The following PPP6C variants were observed in gnomAD, a reference collection of about 807,000 sequenced individuals.
PPP6C encodes the protein protein phosphatase 6 catalytic subunit.
Under a neutral mutation model 39.8 loss-of-function variants are expected in PPP6C, and 11 were observed. The ratio of observed to expected loss-of-function variants is 0.28; its 90% CI spans 0.17 to 0.46. PPP6C has a LOEUF of 0.46. Ranked by LOEUF, PPP6C falls within the 20% of genes least tolerant of loss-of-function variation. PPP6C has a pLI of 1.00. For synonymous variants in PPP6C, 129 were observed against 130.3 expected (o/e 0.99, Z 0.07); for missense variants, 211 against 373.9 (o/e 0.56, Z 3.59).
intron 2 of PPP6C, among the ~76,000 whole-genome samples, chr9:125,164,731 C>G (rs960064394): frequency 3.3e-5 from 5 of 152,124 alleles, no homozygotes; most frequent in African/African-American, 1.2e-4. Context: ...ACCACTTTAC[C>G]CAGCCTGGGA....
intron 1 of PPP6C, chr9:125,189,017 T>G (rs2131349362): frequency 8.4e-7 from 1 of 1,196,860 alleles, no homozygotes; most frequent in South Asian, 1.3e-5. Flanking sequence ...TCCACTTCAG[T>G]AAGCTCAACA....
intron 1 of PPP6C, among the ~76,000 whole-genome samples, chr9:125,171,610 G>A (rs1451273896): frequency 6.7e-6 from 1 of 149,060 alleles, no homozygotes; most frequent in Non-Finnish European, 1.5e-5. Context: ...CTGAAATGCA[G>A]TGACACGATC....
intron 1 of PPP6C, chr9:125,171,970 C>T (rs946510463): frequency 4.3e-6 from 2 of 467,140 alleles, no homozygotes; most frequent in Non-Finnish European, 8.8e-6. Flanking sequence ...TATATAAATA[C>T]TCGCAGAAGC....
At chr9:125,175,566 C>A (rs1448777451) in intron 1 of PPP6C, among the ~76,000 whole-genome samples, 1 of 151,176 alleles carries the variant, frequency 6.6e-6, no homozygotes, top group Non-Finnish European at 1.5e-5. Context: ...TGGCATGAAC[C>A]CGGGAGGCGG....
At chr9:125,175,168 T>C (rs1005701151) in intron 1 of PPP6C, among the ~76,000 whole-genome samples, 4 of 150,414 alleles carry the variant, frequency 2.7e-5, no homozygotes, top group East Asian at 2.0e-4. Flanking sequence ...GATCACGCCA[T>C]TGCACTCCAG....
intron 1 of PPP6C, among the ~76,000 whole-genome samples, chr9:125,175,476 A>G (rs1829277202): frequency 6.6e-6 from 1 of 150,772 alleles, no homozygotes; most frequent in Non-Finnish European, 1.5e-5. Context: ...GTCTCTACTA[A>G]AAAAAAATAC....
At position 125,147,420 on chromosome 9, in the gene PPP6C, T is replaced by C. The variant is rs1339158486; in HGVS notation, c.*2253A>G. 2 of 152,186 alleles carry C rather than the reference T, an allele frequency of 1.3e-5. No homozygotes were observed. Among genetic ancestry groups the C allele is most frequent in the Non-Finnish European group, 2.9e-5 (2 of 68,030 alleles). The allele number at this position is 152,186 out of a possible 1,614,324, so 9.4% of individuals were successfully genotyped here. A position where few individuals can be genotyped will look rare whatever the true frequency, so the allele number is the denominator to read the frequency against. Reference sequence around the variant, plus strand: ...ACATGATAACTCTATATAGTACATATAGTACATAGCCCTTATTTATTGGAG... The same window carrying C: ...ACATGATAACTCTATATAGTACATACAGTACATAGCCCTTATTTATTGGAG... On this transcript the variant is annotated 3_prime_UTR_variant, in exon 7 of 7. Coordinates refer to ENST00000373547, the MANE Select transcript of PPP6C (RefSeq NM_002721.5).
intron 2 of PPP6C, among the ~76,000 whole-genome samples, chr9:125,166,527 T>C (rs886783886): frequency 1.7e-4 from 23 of 132,258 alleles, no homozygotes; most frequent in Non-Finnish European, 2.9e-4. Context: ...ACAAGTATTT[T>C]TCTTTTTCTT....
intron 4 of PPP6C, among the ~76,000 whole-genome samples, chr9:125,157,504 T>C (rs543236528): frequency 6.6e-6 from 1 of 152,200 alleles, no homozygotes; most frequent in South Asian, 2.1e-4. Context: ...ATCAGGTATG[T>C]CCCCATTTTA....
intron 1 of PPP6C, among the ~76,000 whole-genome samples, chr9:125,177,419 G>A (rs950615101): frequency 3.3e-5 from 5 of 151,990 alleles, no homozygotes; most frequent in African/African-American, 1.2e-4. Context: ...TTCCCCTGCT[G>A]GGCACAGTGG....
chr9:125,186,514 G>C (rs969219478), intron 1 of PPP6C, among the ~76,000 whole-genome samples: 4 of 152,002 alleles, frequency 2.6e-5, no homozygotes, highest in African/African-American at 9.7e-5. Flanking sequence ...GGGAAGCCAA[G>C]GTGGGAGGAT....
In PPP6C at chr9:125,160,871, A is replaced by G; in HGVS notation, c.207T>C (p.Gly69=). The part of the protein sequence containing the change: ...YDLCELFRTG[G]QVPDTNYIFM... ...ATATGTAGTTTGTGTCAGGAACCTG[A>G]CCTCCAGTTCTGAACAGTTCACAAA... The change falls in exon 3 of 7, where the codon GGT becomes GGC. Residue 69 remains glycine (G), a synonymous_variant. Transcript: ENST00000373547. 1 of 1,594,246 alleles carries G rather than the reference A, an allele frequency of 6.3e-7. No homozygotes were observed. The highest frequency in any genetic ancestry group is 8.5e-7 in the Non-Finnish European group (1 of 1,172,410).
intron 2 of PPP6C, among the ~76,000 whole-genome samples, chr9:125,163,424 TG>T (rs974145758): frequency 5.9e-5 from 9 of 152,238 alleles, no homozygotes; most frequent in East Asian, 1.9e-4. Flanking sequence ...TTTACAGATA[TG>T]TTTTTTTGTT....
At chr9:125,162,457 CAAAAAAAAAAAAA>C (rs977223135) in intron 2 of PPP6C, among the ~76,000 whole-genome samples, 3 of 70,974 alleles carry the variant, frequency 4.2e-5, no homozygotes, top group Admixed American at 1.8e-4. Context: ...GATTCTGTCT[CAAAAAAAAAAAAA>C]AAAAAAAAAA....
At position 125,165,795 on chromosome 9, in the gene PPP6C, CTT is replaced by C. The variant is rs781221037; in HGVS notation, c.172-4891_172-4890del. 0.021 allele frequency among the ~76,000 whole-genome samples: 2,367 copies of C among 113,546 alleles called. 117 individuals are homozygous for C. The East Asian group carries it at 0.25, about 12-fold the overall frequency. The allele number at this position is 113,546 out of a possible 152,430, so 74.5% of individuals were successfully genotyped here. A position where few individuals can be genotyped will look rare whatever the true frequency, so the allele number is the denominator to read the frequency against. On this transcript the variant is annotated intron_variant, in intron 2 of 6. Coordinates refer to ENST00000373547, the MANE Select transcript of PPP6C (RefSeq NM_002721.5). ...CTGAAACCATAACAGTAATCTTTTG[CTT>C]TTTTTTTTTTTTTTTTGGAGACAGG...
chr9:125,165,023 C>T (rs1236081240), intron 2 of PPP6C, among the ~76,000 whole-genome samples: 1 of 151,984 alleles, frequency 6.6e-6, no homozygotes, highest in Non-Finnish European at 1.5e-5. Context: ...AGGCGTGAGC[C>T]ACCGCGCCCG....
chr9:125,173,763 A>T (rs1209501638), intron 1 of PPP6C, among the ~76,000 whole-genome samples: 2 of 151,898 alleles, frequency 1.3e-5, no homozygotes, highest in African/African-American at 2.4e-5. Context: ...GATTACAGGC[A>T]TGAGTCATCA....
intron 2 of PPP6C, among the ~76,000 whole-genome samples, chr9:125,165,211 G>A (rs1212499626): frequency 6.6e-6 from 1 of 151,922 alleles, no homozygotes; most frequent in Non-Finnish European, 1.5e-5. Flanking sequence ...AAACTCAGAA[G>A]TTTTAAATAT....
intron 3 of PPP6C, 109 bp downstream of exon 3, chr9:125,160,732 A>AC (rs202172969): frequency 2.7e-6 from 2 of 737,214 alleles, no homozygotes; most frequent in Non-Finnish European, 2.0e-6. Flanking sequence ...CTTTTAATAT[A>AC]CTGAAATAGG....
Sources: allele counts gnomAD v4.1 joint callset (sites outside exome capture counted in the v4.1 genomes callset), GRCh38; gene constraint gnomAD v4.1.1; transcripts MANE v1.5; gene names NCBI Gene and HGNC (gene_info 2026-07-23, HGNC 2026-07-21).